Variants in MARCHF8 observed in about 807,000 individuals in gnomAD.
MARCHF8 encodes membrane associated ring-CH-type finger 8.
A neutral mutation model predicts 51.6 loss-of-function variants in MARCHF8; 40 were observed. The ratio of observed to expected loss-of-function variants is 0.77; its 90% CI spans 0.60 to 1.01. MARCHF8 has a LOEUF of 1.01. Ranked by LOEUF, MARCHF8 falls within the 50% of genes least tolerant of loss-of-function variation. The pLI is 0.00. For synonymous variants in MARCHF8, 263 were observed against 280.3 expected (o/e 0.94, Z 0.62); for missense variants, 685 against 708.6 (o/e 0.97, Z 0.38).
chr10:45,509,982 T>C (rs960158924), intron 2 of MARCHF8, among the ~76,000 whole-genome samples: 3 of 127,338 alleles, frequency 2.4e-5, no homozygotes, highest in African/African-American at 1.0e-4. Context: ...ACGCCTGTAA[T>C]CTGGGGAAAG....
chr10:45,488,342 C>T (rs1229707224), intron 3 of MARCHF8, among the ~76,000 whole-genome samples: 1 of 152,112 alleles, frequency 6.6e-6, no homozygotes, highest in African/African-American at 2.4e-5. Context: ...CCTGTTAATC[C>T]TTGATCAGTC....
chr10:45,459,080 C>T, intron 7 of MARCHF8, 40 bp downstream of exon 7: 1 of 1,612,732 alleles, frequency 6.2e-7, no homozygotes, highest in African/African-American at 1.3e-5. Context: ...GTGAGCTATC[C>T]CGGCCCCCAT....
At chr10:45,475,405 CG>C (rs35950522) in intron 3 of MARCHF8, among the ~76,000 whole-genome samples, 39,759 of 151,776 alleles carry the variant, frequency 0.26, 5,437 homozygotes, top group African/African-American at 0.33. Flanking sequence ...AATGCATCCC[CG>C]GGGGGGGCTG....
upstream of MARCHF8, among the ~76,000 whole-genome samples, chr10:45,538,730 A>C (rs1359740637): frequency 6.6e-6 from 1 of 152,250 alleles, no homozygotes; most frequent in Non-Finnish European, 1.5e-5. Flanking sequence ...AGGCCATTAC[A>C]TAATGGTAAA....
At chr10:45,458,591 T>A in intron 7 of MARCHF8, 48 bp from the exon 8 acceptor site, 1 of 1,508,580 alleles carries the variant, frequency 6.6e-7, no homozygotes. Context: ...AGATATGAAG[T>A]AAAGAAAAAC....
intron 1 of MARCHF8, among the ~76,000 whole-genome samples, chr10:45,569,812 G>A (rs2044408445): frequency 6.6e-6 from 1 of 152,070 alleles, no homozygotes; most frequent in African/African-American, 2.4e-5. Context: ...GTGTATCAAG[G>A]AGACTAAATA....
chr10:45,503,845 G>C (rs949582934), intron 2 of MARCHF8, among the ~76,000 whole-genome samples: 1 of 151,960 alleles, frequency 6.6e-6, no homozygotes, highest in African/African-American at 2.4e-5. Flanking sequence ...AAAACATTAT[G>C]CTATGTATGT....
At chr10:45,536,256 T>C (rs1468413632), upstream of MARCHF8, among the ~76,000 whole-genome samples, 5 of 152,232 alleles carry the variant, frequency 3.3e-5, no homozygotes, top group East Asian at 3.9e-4. Flanking sequence ...CACGTATCTA[T>C]AGTCAGCTGA....
chr10:45,510,033 G>A (rs542376417), intron 2 of MARCHF8, among the ~76,000 whole-genome samples: 25 of 152,282 alleles, frequency 1.6e-4, no homozygotes, highest in Admixed American at 1.2e-3. Context: ...GAAGAGTAGC[G>A]TAGGGAGAAG....
chr10:45,585,453 C>T (rs562223242), intron 1 of MARCHF8, among the ~76,000 whole-genome samples: 65 of 152,132 alleles, frequency 4.3e-4, no homozygotes, highest in African/African-American at 1.4e-3. Flanking sequence ...AAATCTCATA[C>T]GGAATAAAAA....
Position 45,458,265 on chromosome 10 carries a change from T to A in MARCHF8, c.1696A>T (p.Thr566Ser). The A allele has an allele frequency of 6.2e-7, 1 of 1,612,274 alleles. No homozygotes were observed. Among genetic ancestry groups the A allele is most frequent in the Non-Finnish European group, 8.5e-7 (1 of 1,179,056 alleles). The stretch of plus-strand genomic sequence containing the variant: ...CAGACGTGAATGATTTCTGCTCCAG[T>A]GTCTTCAGGCTCTGTGCAACAAGAA... ...NSSCCTEPED[T>S]GAEIIHV Residue 566 changes from threonine to serine, a missense_variant, in exon 8 of 8, where the codon ACT becomes TCT. Thr to Ser is a moderately conservative substitution (Grantham distance 58, BLOSUM62 1). Transcript: ENST00000453424.
Position 45,458,307 on chromosome 10 carries a change from G to T in MARCHF8, c.1654C>A (p.His552Asn). 6.2e-7 allele frequency: 1 copy of T among 1,614,164 alleles called. No individual in the cohort carries two copies. The highest frequency in any genetic ancestry group is 8.5e-7 in the Non-Finnish European group (1 of 1,180,038). ...CAACAAGAAGAGTTTGTGTCGGAATGACAGATTCCATATCCATGTTTATTT... is the reference window on the plus strand; with the variant it reads ...CAACAAGAAGAGTTTGTGTCGGAATTACAGATTCCATATCCATGTTTATTT... ...FENKHGYGIC[H>N]SDTNSSCCTE... The change falls in exon 8 of 8, where the codon CAT becomes AAT. Residue 552 changes from histidine to asparagine, a missense_variant. Physicochemically the swap from His to Asn is moderately conservative, Grantham distance 68 (BLOSUM62 1). Transcript: ENST00000453424.
At chr10:45,553,586 T>C (rs1190271441) in intron 1 of MARCHF8, among the ~76,000 whole-genome samples, 7 of 152,224 alleles carry the variant, frequency 4.6e-5, no homozygotes, top group African/African-American at 2.4e-5. Context: ...GCAGCACTAT[T>C]TCTAACAGCA....
chr10:45,579,961 C>T (rs1056557696), intron 1 of MARCHF8, among the ~76,000 whole-genome samples: 7 of 135,806 alleles, frequency 5.2e-5, no homozygotes, highest in African/African-American at 1.1e-4. Context: ...TGCAGTGAGC[C>T]GAGATCATAC....
chr10:45,513,350 CA>C (rs1318510183), intron 2 of MARCHF8, among the ~76,000 whole-genome samples: 2 of 152,092 alleles, frequency 1.3e-5, no homozygotes, highest in African/African-American at 4.8e-5. Flanking sequence ...TGTACTCATT[CA>C]GAAACACGTT....
At chr10:45,523,536 A>T (rs1049449470) in intron 2 of MARCHF8, among the ~76,000 whole-genome samples, 4 of 152,178 alleles carry the variant, frequency 2.6e-5, no homozygotes, top group Non-Finnish European at 5.9e-5. Flanking sequence ...AAATAAATAA[A>T]AACAAAGAGT....
intron 3 of MARCHF8, among the ~76,000 whole-genome samples, chr10:45,486,572 T>G (rs529043524): frequency 1.3e-5 from 2 of 151,724 alleles, no homozygotes. Context: ...TAAAAAAAAA[T>G]GTATGCAAGA....
At position 45,463,498 on chromosome 10, in the gene MARCHF8, C is replaced by T. The variant is rs749267664; in HGVS notation, c.741G>A (p.Ala247=). 3.1e-5 allele frequency: 48 copies of T among 1,550,526 alleles called. No homozygotes were observed. The highest frequency in any genetic ancestry group is 7.3e-5 in the East Asian group (3 of 40,938). The change falls in exon 5 of 8, where the codon GCG becomes GCA. Residue 247 remains alanine, a synonymous_variant. Coordinates refer to ENST00000453424, the MANE Select transcript of MARCHF8 (RefSeq NM_001282866.2). ...GGCTTCGGGACGTGGCCTCACCATC[C>T]GCCTTCTCTTCCAGCAGCAGGCCGG... The part of the protein sequence containing the change: ...GRPGLLLEEK[A]DGEATSRSRQ...
intron 1 of MARCHF8, among the ~76,000 whole-genome samples, chr10:45,558,870 T>A (rs551035138): frequency 2.7e-4 from 41 of 152,158 alleles, no homozygotes; most frequent in Non-Finnish European, 2.2e-4. Context: ...CTATTTTGAA[T>A]AAATAGAACA....
Sources: gnomAD v4.1 joint callset for allele counts (sites outside exome capture counted in the v4.1 genomes callset) on GRCh38, gnomAD v4.1.1 for gene constraint, MANE v1.5 for transcripts, NCBI Gene and HGNC (gene_info 2026-07-23, HGNC 2026-07-21) for gene names.